COG5: variants seen among roughly 807,000 people sequenced by gnomAD.
COG5 encodes component of oligomeric golgi complex 5.
COG5 carries 86 observed loss-of-function variants against 110.4 expected under a neutral mutation model. The observed-to-expected ratio is 0.78, with a 90% CI of 0.65 to 0.93. The LOEUF (loss-of-function observed/expected upper bound fraction) is 0.93, where lower values mean the gene tolerates loss of function less well. COG5 is among the 40% of genes least tolerant of loss of function. The pLI is 0.00. For synonymous variants in COG5, 360 were observed against 334.6 expected (o/e 1.08, Z -0.83); for missense variants, 1,077 against 987.0 (o/e 1.09, Z -1.22).
At chr7:107,365,230 C>T (rs1293694903) in intron 8 of COG5, among the ~76,000 whole-genome samples, 1 of 152,002 alleles carries the variant, frequency 6.6e-6, no homozygotes, top group Non-Finnish European at 1.5e-5. Flanking sequence ...CTAAGAGTTC[C>T]TCATAGATAT....
intron 5 of COG5, among the ~76,000 whole-genome samples, chr7:107,545,361 G>T (rs1563093263): frequency 6.6e-6 from 1 of 152,056 alleles, no homozygotes; most frequent in Non-Finnish European, 1.5e-5. Flanking sequence ...AAACAGAGAG[G>T]ATCTTGAAAG....
Position 107,474,164 on chromosome 7 carries a change from C to CATATA in COG5, c.538+53072_538+53073insTATAT. The stretch of plus-strand genomic sequence containing the variant: ...AACACCAATATGTACCAACCACTAT[C>CATATA]ATATCCGTTAAGCTTTCAAGTGTCT... On this transcript the variant is annotated intron_variant, in intron 6 of 21. Coordinates refer to ENST00000297135, the MANE Select transcript of COG5 (RefSeq NM_006348.5). The surrounding 1 kb of genome is among the most constrained non-coding windows in gnomAD (Gnocchi z 5.7). 1 of 1,611,146 alleles carries CATATA rather than the reference C, an allele frequency of 6.2e-7. No homozygotes were observed. Among genetic ancestry groups the CATATA allele is most frequent in the Non-Finnish European group, 8.5e-7 (1 of 1,177,566 alleles).
At chr7:107,320,219 A>AT (rs564436883) in intron 11 of COG5, among the ~76,000 whole-genome samples, 384 of 152,290 alleles carry the variant, frequency 2.5e-3, no homozygotes, top group African/African-American at 8.9e-3. Flanking sequence ...ACAGATGTTG[A>AT]TTTTACCTAC....
At chr7:107,514,474 T>A (rs1799779008) in intron 6 of COG5, among the ~76,000 whole-genome samples, 1 of 152,172 alleles carries the variant, frequency 6.6e-6, no homozygotes, top group African/African-American at 2.4e-5. Flanking sequence ...GTATAAAGTA[T>A]TCTTAGAAAG....
intron 18 of COG5, among the ~76,000 whole-genome samples, chr7:107,235,287 C>G (rs1241099174): frequency 1.3e-5 from 2 of 152,206 alleles, no homozygotes; most frequent in East Asian, 1.9e-4. Context: ...CGGATACACA[C>G]AAGAATAAAT....
At chr7:107,209,170 T>G (rs979017296) in intron 21 of COG5, 8 of 985,474 alleles carry the variant, frequency 8.1e-6, no homozygotes, top group Non-Finnish European at 9.6e-6. Flanking sequence ...CTGGGTGCAG[T>G]GGGCCCAGAC....
intron 5 of COG5, among the ~76,000 whole-genome samples, chr7:107,542,546 T>C (rs1182986080): frequency 3.9e-5 from 6 of 152,254 alleles, no homozygotes; most frequent in African/African-American, 1.4e-4. Context: ...GGTATTAGCA[T>C]GAGCCAACAT....
At chr7:107,229,672 A>T (rs1279830333) in intron 19 of COG5, among the ~76,000 whole-genome samples, 1 of 152,084 alleles carries the variant, frequency 6.6e-6, no homozygotes, top group Non-Finnish European at 1.5e-5. Flanking sequence ...TTATACTGGT[A>T]TTCTGTTAGA....
At chr7:107,448,944 A>G (rs1379544296) in intron 6 of COG5, among the ~76,000 whole-genome samples, 1 of 152,228 alleles carries the variant, frequency 6.6e-6, no homozygotes, top group Admixed American at 6.5e-5. Flanking sequence ...CAAATATATT[A>G]TAAAAATTAA....
At position 107,308,033 on chromosome 7, in the gene COG5, A is replaced by G. The variant is rs79391343; in HGVS notation, c.1109-9687T>C. Reference sequence around the variant, plus strand: ...TTTTTAATGCTTTGTTTGATTTAGGATCCATAAATAGTTCACCTATTATAA... The same window carrying G: ...TTTTTAATGCTTTGTTTGATTTAGGGTCCATAAATAGTTCACCTATTATAA... On this transcript the variant is annotated intron_variant, in intron 11 of 21. Transcript: ENST00000297135. Among the ~76,000 whole-genome samples the G allele has an allele frequency of 4.3e-3, 662 of 152,274 alleles. 6 individuals carry two copies. The highest frequency in any genetic ancestry group is 0.016 in the African/African-American group (647 of 41,552).
At chr7:107,329,282 G>C (rs754662058) in intron 10 of COG5, among the ~76,000 whole-genome samples, 15 of 152,152 alleles carry the variant, frequency 9.9e-5, no homozygotes, top group Non-Finnish European at 1.8e-4. Context: ...CATAGCTGTT[G>C]GAACAAGAAA....
intron 6 of COG5, among the ~76,000 whole-genome samples, chr7:107,522,895 T>G (rs1461704337): frequency 6.6e-6 from 1 of 152,246 alleles, no homozygotes; most frequent in Non-Finnish European, 1.5e-5. Flanking sequence ...TTGATCTTTA[T>G]GTCTTGATTA....
At chr7:107,352,549 C>T (rs1812255767) in intron 10 of COG5, among the ~76,000 whole-genome samples, 1 of 144,906 alleles carries the variant, frequency 6.9e-6, no homozygotes, top group Non-Finnish European at 1.5e-5. Context: ...TGGTTTATCC[C>T]TATTCAATAT....
intron 19 of COG5, among the ~76,000 whole-genome samples, chr7:107,214,525 T>TC (rs1799385804): frequency 1.3e-5 from 2 of 152,084 alleles, no homozygotes; most frequent in South Asian, 4.1e-4. Flanking sequence ...AACACAAAAA[T>TC]CAATGCTATA....
intron 6 of COG5, among the ~76,000 whole-genome samples, chr7:107,451,478 GA>G (rs1403830965): frequency 2.6e-5 from 4 of 152,134 alleles, no homozygotes; most frequent in Non-Finnish European, 5.9e-5. Flanking sequence ...GTACCATACA[GA>G]AACATTTTTA....
chr7:107,362,267 T>C, intron 9 of COG5, 41 bp downstream of exon 9: 1 of 1,499,246 alleles, frequency 6.7e-7, no homozygotes. Context: ...AACCAGGAGT[T>C]AATCCATATT....
At chr7:107,286,069 G>A (rs997152236) in intron 12 of COG5, among the ~76,000 whole-genome samples, 1 of 152,078 alleles carries the variant, frequency 6.6e-6, no homozygotes, top group Non-Finnish European at 1.5e-5. Flanking sequence ...GGCAAAGGAA[G>A]GCTTACTGAG....
At chr7:107,324,552 AT>A (rs1809599574) in intron 10 of COG5, 31 bp from the exon 11 acceptor site, 1 of 1,326,084 alleles carries the variant, frequency 7.5e-7, no homozygotes. Context: ...TTTTTTAAAA[AT>A]AAAAAAATGC....
chr7:107,489,332 T>C (rs1797845641), intron 6 of COG5, among the ~76,000 whole-genome samples: 2 of 152,156 alleles, frequency 1.3e-5, no homozygotes, highest in Non-Finnish European at 2.9e-5. Context: ...CCGAGATAAA[T>C]GATGGTTGAA....
Sources: gnomAD v4.1 joint callset for allele counts (sites outside exome capture counted in the v4.1 genomes callset) on GRCh38, gnomAD v4.1.1 for gene constraint, Gnocchi (gnomAD v3.1) non-coding constraint, MANE v1.5 for transcripts, NCBI Gene and HGNC (gene_info 2026-07-23, HGNC 2026-07-21) for gene names.